The following SORCS2 variants were observed in gnomAD, a reference collection of about 807,000 sequenced individuals.
SORCS2 encodes the protein VPS10 domain-containing receptor SorCS2.
Under a neutral mutation model 141.6 loss-of-function variants are expected in SORCS2, and 100 were observed. The ratio of observed to expected loss-of-function variants is 0.71; its 90% CI spans 0.60 to 0.83. SORCS2 has a LOEUF of 0.83. Among genes scored for constraint, SORCS2 ranks in the 40% least tolerant of loss-of-function variants. The pLI is 0.00. For synonymous variants in SORCS2, 789 were observed against 676.9 expected, an observed-to-expected ratio of 1.17 and a Z score of -2.57; for missense variants, 1,646 against 1,560.2, an observed-to-expected ratio of 1.05 and a Z score of -0.93.
At chr4:7,639,439 AGTGT>A (rs1577879638) in intron 4 of SORCS2, among the ~76,000 whole-genome samples, 1 of 149,478 alleles carries the variant, frequency 6.7e-6, no homozygotes, top group East Asian at 2.1e-4. Flanking sequence ...CACACTTGTA[AGTGT>A]GTGAGTGCAT....
rs1448179213 is a variant in SORCS2, at chr4:7,336,532, A to ACGCAATCCCTG, written c.481-59756_481-59755insCGCAATCCCTG. ...AGCACCTTGGGTGAGCCGTGCCCAG[A>ACGCAATCCCTG]ACAGATGGATGAAGGACTCTTGTCT... is the stretch of plus-strand genomic sequence containing the variant. On this transcript the variant is annotated intron_variant, in intron 1 of 26. Transcript: ENST00000507866. Among the ~76,000 whole-genome samples the ACGCAATCCCTG allele has an allele frequency of 1.4e-3, 133 of 94,360 alleles. 6 individuals are homozygous for ACGCAATCCCTG. Among genetic ancestry groups the ACGCAATCCCTG allele is most frequent in the South Asian group, 1.8e-3 (5 of 2,728 alleles). The allele number at this position is 94,360 out of a possible 152,430, so 61.9% of individuals were successfully genotyped here. A position where few individuals can be genotyped will look rare whatever the true frequency, so the allele number is the denominator to read the frequency against.
chr4:7,557,588 A>G (rs1202120835), intron 3 of SORCS2, among the ~76,000 whole-genome samples: 1 of 152,258 alleles, frequency 6.6e-6, no homozygotes, highest in African/African-American at 2.4e-5. Context: ...TTCTGTTATC[A>G]TAGTGATCAT....
chr4:7,579,334 G>A (rs986551445), intron 3 of SORCS2, among the ~76,000 whole-genome samples: 3 of 151,868 alleles, frequency 2.0e-5, no homozygotes, highest in Admixed American at 1.3e-4. Flanking sequence ...AATCCCATGC[G>A]CTGGGCTAGG....
At chr4:7,470,744 C>T in intron 2 of SORCS2, among the ~76,000 whole-genome samples, 1 of 152,198 alleles carries the variant, frequency 6.6e-6, no homozygotes, top group East Asian at 1.9e-4. Context: ...AGCCCTGGCC[C>T]CAGCCCCAGC....
chr4:7,722,043 A>G (rs1726621531), intron 18 of SORCS2, among the ~76,000 whole-genome samples: 1 of 152,186 alleles, frequency 6.6e-6, no homozygotes, highest in South Asian at 2.1e-4. Context: ...AGAATATACT[A>G]CTTTTGTGGT....
rs1711717585 is a variant in SORCS2, at chr4:7,731,889, G to A, written c.3109-1433G>A. Reference sequence around the variant, plus strand: ...ATAGTGAAAAACTATGCATCAGTTTGAGCAATGCTGTTTTGCAGATGATCC... The same window carrying A: ...ATAGTGAAAAACTATGCATCAGTTTAAGCAATGCTGTTTTGCAGATGATCC... On this transcript the variant is annotated intron_variant, in intron 23 of 26. Coordinates refer to ENST00000507866, the MANE Select transcript of SORCS2 (RefSeq NM_020777.3). Among the ~76,000 whole-genome samples, 3 of 152,222 alleles carry A rather than the reference G, an allele frequency of 2.0e-5. No homozygotes were observed. The South Asian group carries it at 6.2e-4, about 32-fold the overall frequency.
chr4:7,705,864 C>T (rs1419241821), intron 14 of SORCS2, among the ~76,000 whole-genome samples: 1 of 152,238 alleles, frequency 6.6e-6, no homozygotes. Context: ...CCTCCATGTG[C>T]CCCACCCTCC....
At chr4:7,254,226 G>A (rs899166600) in intron 1 of SORCS2, among the ~76,000 whole-genome samples, 3 of 152,164 alleles carry the variant, frequency 2.0e-5, no homozygotes, top group African/African-American at 7.2e-5. Context: ...ATTCGTATGT[G>A]TATTGCAGCA....
At chr4:7,400,286 C>T (rs1444561953) in intron 2 of SORCS2, among the ~76,000 whole-genome samples, 3 of 152,158 alleles carry the variant, frequency 2.0e-5, no homozygotes, top group African/African-American at 7.2e-5. Context: ...GCTACGGCTG[C>T]TGCCTGGAGT....
In SORCS2 at chr4:7,413,391, C is replaced by CTTTTTTTTTTTTTTTTTTTTT. The variant is rs34379092; in HGVS notation, c.548+17056_548+17057insTTTTTTTTTTTTTTTTTTTTT. Among the ~76,000 whole-genome samples the CTTTTTTTTTTTTTTTTTTTTT allele has an allele frequency of 1.4e-3, 122 of 84,816 alleles. 21 individuals carry two copies. The highest frequency in any genetic ancestry group is 5.1e-3 in the East Asian group (12 of 2,332). The allele number at this position is 84,816 out of a possible 152,430, so 55.6% of individuals were successfully genotyped here. A position where few individuals can be genotyped will look rare whatever the true frequency, so the allele number is the denominator to read the frequency against. Reference sequence around the variant, plus strand: ...ATGATCCTCCGTATTTTCACAGCTGCTTTTTTTTTTTTTTTTTTTTGAGAT... The same window carrying CTTTTTTTTTTTTTTTTTTTTT: ...ATGATCCTCCGTATTTTCACAGCTGCTTTTTTTTTTTTTTTTTTTTTTTTTTTTTTTTTTTTTTTTTGAGAT... On this transcript the variant is annotated intron_variant, in intron 2 of 26. Transcript: ENST00000507866.
intron 23 of SORCS2, among the ~76,000 whole-genome samples, chr4:7,732,360 C>T (rs1711768109): frequency 6.6e-6 from 1 of 152,158 alleles, no homozygotes; most frequent in Non-Finnish European, 1.5e-5. Context: ...GATGCTTGGA[C>T]CTGGGAAGTA....
At chr4:7,413,357 CAT>C (rs2109161091) in intron 2 of SORCS2, among the ~76,000 whole-genome samples, 1 of 144,994 alleles carries the variant, frequency 6.9e-6, no homozygotes, top group East Asian at 2.1e-4. Context: ...ATGTATTAAA[CAT>C]GTTCTTATGA....
chr4:7,412,785 C>A (rs1725403770), intron 2 of SORCS2, among the ~76,000 whole-genome samples: 2 of 152,100 alleles, frequency 1.3e-5, no homozygotes, highest in African/African-American at 4.8e-5. Context: ...CTGTCCTTTC[C>A]CCATGGGAGC....
intron 1 of SORCS2, among the ~76,000 whole-genome samples, chr4:7,372,097 T>C (rs1722292323): frequency 6.6e-6 from 1 of 152,094 alleles, no homozygotes; most frequent in Non-Finnish European, 1.5e-5. Context: ...AGGACATGGG[T>C]TCCTTTCATT....
intron 3 of SORCS2, 49 bp downstream of exon 3, chr4:7,531,678 G>A (rs369438415): frequency 7.8e-5 from 121 of 1,551,496 alleles, no homozygotes; most frequent in Non-Finnish European, 9.6e-5. Context: ...GCCTTGTGCC[G>A]CTCACTCTGC....
At chr4:7,600,524 G>T (rs1215363831) in intron 3 of SORCS2, among the ~76,000 whole-genome samples, 1 of 152,124 alleles carries the variant, frequency 6.6e-6, no homozygotes, top group African/African-American at 2.4e-5. Context: ...TCCCAGTCCC[G>T]GCTGGCAGGG....
intron 2 of SORCS2, among the ~76,000 whole-genome samples, chr4:7,488,863 C>A (rs751618673): frequency 9.8e-5 from 15 of 152,346 alleles, no homozygotes; most frequent in Middle Eastern, 6.8e-3. Context: ...CATAAATGAG[C>A]CTGGTTTACA....
chr4:7,355,074 G>A (rs1006271627), intron 1 of SORCS2, among the ~76,000 whole-genome samples: 2 of 152,206 alleles, frequency 1.3e-5, no homozygotes, highest in Middle Eastern at 3.4e-3. Flanking sequence ...CTGTATGTTG[G>A]TCCAGCTAAT....
chr4:7,464,465 A>G (rs909331361), intron 2 of SORCS2, among the ~76,000 whole-genome samples: 117 of 152,318 alleles, frequency 7.7e-4, no homozygotes, highest in Non-Finnish European at 8.2e-4. Context: ...GGTGGTTGGC[A>G]GATGCAGGGC....
Sources: gnomAD v4.1 joint callset for allele counts (sites outside exome capture counted in the v4.1 genomes callset) on GRCh38, gnomAD v4.1.1 for gene constraint, MANE v1.5 for transcripts, NCBI Gene and HGNC (gene_info 2026-07-23, HGNC 2026-07-21) for gene names.